TUBGCP6: variants seen among roughly 807,000 people sequenced by gnomAD.
TUBGCP6 encodes tubulin gamma complex component 6, also known as gamma-tubulin complex component 6.
TUBGCP6 carries 161 observed loss-of-function variants against 175.8 expected under a neutral mutation model. That is an observed-to-expected ratio of 0.92 (90% CI 0.81 to 1.04). The LOEUF (loss-of-function observed/expected upper bound fraction) is 1.04, where lower values mean the gene tolerates loss of function less well. TUBGCP6 is among the 50% of genes least tolerant of loss of function. TUBGCP6 has a pLI of 0.00. For synonymous variants in TUBGCP6, 1,173 were observed against 1,030.5 expected, an observed-to-expected ratio of 1.14 and a Z score of -2.65; for missense variants, 2,572 against 2,433.0, an observed-to-expected ratio of 1.06 and a Z score of -1.20.
intron 2 of TUBGCP6, 163 bp downstream of exon 2, chr22:50,240,041 C>CA (rs2064820747): frequency 1.0e-6 from 1 of 964,870 alleles, no homozygotes; most frequent in Non-Finnish European, 1.6e-6. Context: ...CTGCATCTCT[C>CA]TTAACTCCCA....
In TUBGCP6 at chr22:50,221,378, G is replaced by A. The variant is rs369763317; in HGVS notation, c.2981C>T (p.Ala994Val). The change falls in exon 16 of 25, where the codon GCC (alanine) becomes GTC (valine). Residue 994 changes from alanine to valine, a missense_variant. By Grantham distance (64) the Ala-to-Val change is moderately conservative. Coordinates refer to ENST00000248846, the MANE Select transcript of TUBGCP6 (RefSeq NM_020461.4). Reference sequence around the variant, plus strand: ...AGTCTCCCGCGAGGCGGAGCCACAGGCATCCATCTTCCCACAACTGTCCTC... The same window carrying A: ...AGTCTCCCGCGAGGCGGAGCCACAGACATCCATCTTCCCACAACTGTCCTC... ...LWEDSCGKMD[A>V]CGSASRETLL... 1 of 1,609,536 alleles carries A rather than the reference G, an allele frequency of 6.2e-7. No individual in the cohort carries two copies.
chr22:50,222,679 T>C, intron 13 of TUBGCP6, 87 bp from the exon 14 acceptor site: 4 of 1,558,012 alleles, frequency 2.6e-6, no homozygotes, highest in Non-Finnish European at 2.6e-6. Flanking sequence ...TGGTTCTCCA[T>C]AACAGAGGCC....
rs757148064 is a variant in TUBGCP6, at chr22:50,233,805, G to A, written c.906-279C>T. On this transcript the variant is annotated intron_variant, in intron 2 of 24. Transcript: ENST00000248846. ...GTCCTGGGCATGGCCGGGGGTATCC[G>A]ACTGGCCCAGCCCTGGAAGAGCACC... Among the ~76,000 whole-genome samples, 29 of 152,094 alleles carry A rather than the reference G, an allele frequency of 1.9e-4. No individual in the cohort carries two copies. In the East Asian group the frequency reaches 2.5e-3, roughly 13 times the overall value.
chr22:50,227,569 C>T lies in TUBGCP6; in HGVS notation c.1412+338G>A, dbSNP rs1017002190. ...AATGCCCAGCTCCTCACTCTTCCTT[C>T]TCTGATGGCACCTGCCAATAGCCCC... On this transcript the variant is annotated intron_variant, in intron 5 of 24. Transcript: ENST00000248846. Among the ~76,000 whole-genome samples, 6 of 152,218 alleles carry T rather than the reference C, an allele frequency of 3.9e-5. No homozygotes were observed. In the South Asian group the frequency reaches 1.0e-3, roughly 26 times the overall value.
At chr22:50,221,911 A>G (rs780721942) in intron 15 of TUBGCP6, 37 bp from the exon 16 acceptor site, 2 of 1,542,258 alleles carry the variant, frequency 1.3e-6, no homozygotes, top group Admixed American at 1.9e-5. Flanking sequence ...GTCTGGTCTC[A>G]GGACCCCCCA....
intron 2 of TUBGCP6, among the ~76,000 whole-genome samples, chr22:50,235,445 A>T (rs2064765110): frequency 6.6e-6 from 1 of 152,262 alleles, no homozygotes; most frequent in African/African-American, 2.4e-5. Context: ...CCCATCATTC[A>T]GCCTTAAAAA....
intron 1 of TUBGCP6, 26 bp downstream of exon 1, chr22:50,243,693 G>A (rs764329317): frequency 1.3e-6 from 2 of 1,574,198 alleles, no homozygotes; most frequent in Admixed American, 1.8e-5. Flanking sequence ...CGAGAGAGAT[G>A]AAAGAGGAAA....
rs757048686 is a variant in TUBGCP6 at position 50,221,677 on chromosome 22, G to A, written c.2682C>T (p.Leu894=). 5.3e-6 allele frequency: 8 copies of A among 1,517,574 alleles called. No homozygotes were observed. The African/African-American group carries it at 1.1e-4, about 21-fold the overall frequency. The allele number at this position is 1,517,574 out of a possible 1,614,324, so 94.0% of individuals were successfully genotyped here. ...CCACAGGTAGGAAGTCTCCAATGCT[G>A]AGGCTGTCAGAGAAGGGTCTGGCCC... The part of the protein sequence containing the change: ...AEGARPFSDS[L]SIGDFLPVGP... Residue 894 remains leucine, a synonymous_variant, in exon 16 of 25, where the codon CTC becomes CTT. Transcript: ENST00000248846.
Position 50,217,893 on chromosome 22 carries a change from C to T in TUBGCP6, c.5368+25G>A, listed in dbSNP as rs200537421. On this transcript the variant is annotated intron_variant, in intron 24 of 24. Coordinates refer to ENST00000248846, the MANE Select transcript of TUBGCP6 (RefSeq NM_020461.4). ...GAGCCCCGCCCTGGCCCCCCCGCAGCCCTCCCAGCCAGGGTGGGCCTCACC... is the reference window on the plus strand; with the variant it reads ...GAGCCCCGCCCTGGCCCCCCCGCAGTCCTCCCAGCCAGGGTGGGCCTCACC... 1.9e-4 allele frequency: 307 copies of T among 1,604,792 alleles called. No homozygotes were observed. In the East Asian group the frequency reaches 6.0e-3, roughly 31 times the overall value.
Position 50,244,534 on chromosome 22 carries a change from G to C in TUBGCP6, c.-75C>G. ...GGCTTCACTCACGCTCCGGAAGACAGGGAGTGAGAGAGGGTCCGAAGAGGC... is the reference window on the plus strand; with the variant it reads ...GGCTTCACTCACGCTCCGGAAGACACGGAGTGAGAGAGGGTCCGAAGAGGC... On this transcript the variant is annotated 5_prime_UTR_variant, in exon 1 of 25. Transcript: ENST00000248846. 6.7e-7 allele frequency: 1 copy of C among 1,489,294 alleles called. No homozygotes were observed. Among genetic ancestry groups the C allele is most frequent in the Non-Finnish European group, 8.9e-7 (1 of 1,123,972 alleles). 92.3% of individuals were successfully genotyped at this position (1,489,294 alleles called of 1,614,324 possible). A position where few individuals can be genotyped will look rare whatever the true frequency, so the allele number is the denominator to read the frequency against.
rs759920894 is a variant in TUBGCP6, at chr22:50,220,485, T to C, written c.3874A>G (p.Arg1292Gly). ...LSPEAEPNTP[R>G]PQQSPPGHTS... is the part of the protein sequence containing the mutation. The stretch of plus-strand genomic sequence containing the variant: ...TGGCCAGGGGGGCTCTGTTGGGGCC[T>C]GGGTGTGTTGGGCTCAGCTTCTGGT... Residue 1292 changes from arginine (R) to glycine (G), a missense_variant, in exon 16 of 25, where the codon AGG (arginine) becomes GGG (glycine). Transcript: ENST00000248846. 1 of 1,613,312 alleles carries C rather than the reference T, an allele frequency of 6.2e-7. No individual in the cohort carries two copies. The highest frequency in any genetic ancestry group is 1.1e-5 in the South Asian group (1 of 91,066).
rs1341601333 is a variant in TUBGCP6, at chr22:50,244,602, T to TG, written c.-144_-143insC. 60 of 1,305,618 alleles carry TG rather than the reference T, an allele frequency of 4.6e-5. No individual in the cohort carries two copies. The highest frequency in any genetic ancestry group is 9.0e-5 in the Admixed American group (3 of 33,298). 80.9% of individuals were successfully genotyped at this position (1,305,618 alleles called of 1,614,324 possible). A position where few individuals can be genotyped will look rare whatever the true frequency, so the allele number is the denominator to read the frequency against. On this transcript the variant is annotated 5_prime_UTR_variant, in exon 1 of 25. Coordinates refer to ENST00000248846, the MANE Select transcript of TUBGCP6 (RefSeq NM_020461.4). ...CTCCAATGCCGAAGCTCAGAACTGG[T>TG]ATTTTTTAAAGGAGGTCTTGCGGTT...
chr22:50,219,654 G>C lies in TUBGCP6; in HGVS notation c.4305C>G (p.Tyr1435Ter). Residue 1435 changes from tyrosine (Y) to a stop codon, truncating the protein, a stop_gained, in exon 18 of 25, where the codon TAC becomes TAG. Coordinates refer to ENST00000248846, the MANE Select transcript of TUBGCP6 (RefSeq NM_020461.4). LOFTEE classifies it high-confidence loss of function. ...AACTGCTGCACTCACACATGGACTC[G>C]TAACTGTCCGGGTACCGCTCCAAGT... Reference protein sequence around the residue: ...QYHLERYPDSYESMSEPPIAH... With the variant: ...QYHLERYPDS The C allele has an allele frequency of 1.2e-6, 2 of 1,613,484 alleles. No individual in the cohort carries two copies. The highest frequency in any genetic ancestry group is 8.5e-7 in the Non-Finnish European group (1 of 1,179,816).
chr22:50,224,499 G>A lies in TUBGCP6; in HGVS notation c.2065+12C>T, dbSNP rs200568170. On this transcript the variant is annotated intron_variant, in intron 11 of 24. Transcript: ENST00000248846. ...CCCGGAACTGCAGAAGGGAGGACTT[G>A]GGGCCACTCACCACTCAGTGCACTC... The A allele has an allele frequency of 2.0e-4, 329 of 1,614,186 alleles. 1 individual carries two copies. In the African/African-American group the frequency reaches 3.9e-3, roughly 19 times the overall value.
intron 1 of TUBGCP6, among the ~76,000 whole-genome samples, chr22:50,240,920 C>T (rs1259253758): frequency 3.3e-5 from 5 of 152,158 alleles, no homozygotes; most frequent in Non-Finnish European, 5.9e-5. Flanking sequence ...ACCCGGGAAG[C>T]GGAGGTTGCA....
rs185994692 is a variant in TUBGCP6 at position 50,222,344 on chromosome 22, A to C, written c.2409+110T>G. On this transcript the variant is annotated intron_variant, in intron 14 of 24. Transcript: ENST00000248846. The stretch of plus-strand genomic sequence containing the variant: ...AGAGAGTGCTCTGCCGCAAACGCGA[A>C]AGCCACCAGCCCTCTCCTAGAAGAG... 1.6e-5 allele frequency: 24 copies of C among 1,505,668 alleles called. No homozygotes were observed. In the East Asian group the frequency reaches 5.5e-4, roughly 34 times the overall value. The allele number at this position is 1,505,668 out of a possible 1,614,324, so 93.3% of individuals were successfully genotyped here.
chr22:50,244,273 T>C lies in TUBGCP6; in HGVS notation c.187A>G (p.Lys63Glu), dbSNP rs1291819496. 1 of 1,613,542 alleles carries C rather than the reference T, an allele frequency of 6.2e-7. No individual in the cohort carries two copies. Among genetic ancestry groups the C allele is most frequent in the African/African-American group, 1.3e-5 (1 of 74,954 alleles). Residue 63 changes from lysine (K) to glutamate (E), a missense_variant, in exon 1 of 25, where the codon AAA (lysine) becomes GAA (glutamate). Transcript: ENST00000248846. ...ETQQLQPDMSKLPARNKILML... is the reference protein window; with the variant it reads ...ETQQLQPDMSELPARNKILML... ...AGGATCTTGTTTCTCGCTGGTAGTT[T>C]TGACATGTCAGGCTGCAGCTGTTGA...
At position 50,226,173 on chromosome 22, in the gene TUBGCP6, T is replaced by C. The variant is rs899285476; in HGVS notation, c.1710A>G (p.Thr570=). 5 of 1,614,050 alleles carry C rather than the reference T, an allele frequency of 3.1e-6. No individual in the cohort carries two copies. The African/African-American group carries it at 4.0e-5, about 13-fold the overall frequency. ...YLSFRDKLYW[T]HGYVLISKEV... is the part of the protein sequence containing the mutation. ...CTTTGGAGATGAGCACGTAGCCATG[T>C]GTCCAGTACAACTTATCTAAGGTAG... Residue 570 remains threonine (T), a synonymous_variant, in exon 9 of 25, where the codon ACA becomes ACG. Coordinates refer to ENST00000248846, the MANE Select transcript of TUBGCP6 (RefSeq NM_020461.4).
Position 50,238,090 on chromosome 22 carries a change from G to A in TUBGCP6, c.905+2114C>T, listed in dbSNP as rs906905963. Among the ~76,000 whole-genome samples, 8 of 151,890 alleles carry A rather than the reference G, an allele frequency of 5.3e-5. No homozygotes were observed. In the South Asian group the frequency reaches 8.3e-4, roughly 16 times the overall value. On this transcript the variant is annotated intron_variant, in intron 2 of 24. Coordinates refer to ENST00000248846, the MANE Select transcript of TUBGCP6 (RefSeq NM_020461.4). The stretch of plus-strand genomic sequence containing the variant: ...AGAGGTTGCAGTGAGCCAAGATTGC[G>A]CCATTGCACTCCAGCCTGGGCAACA...
Sources: allele counts gnomAD v4.1 joint callset (sites outside exome capture counted in the v4.1 genomes callset), GRCh38; gene constraint gnomAD v4.1.1; transcripts MANE v1.5; gene names NCBI Gene and HGNC (gene_info 2026-07-23, HGNC 2026-07-21).